SDK1: variants seen among roughly 807,000 people sequenced by gnomAD.
SDK1 encodes the protein sidekick cell adhesion molecule 1.
Under a neutral mutation model 245.5 loss-of-function variants are expected in SDK1, and 157 were observed. That is an observed-to-expected ratio of 0.64 (90% CI 0.56 to 0.73). The LOEUF is 0.73. SDK1 is among the 30% of genes least tolerant of loss of function. The pLI is 0.00. For missense variants in SDK1, 3,583 were observed against 3,002.3 expected (o/e 1.19, Z -4.52); for synonymous variants, 1,647 against 1,278.5 (o/e 1.29, Z -6.15).
intron 4 of SDK1, among the ~76,000 whole-genome samples, chr7:3,726,983 C>T (rs1779029473): frequency 6.6e-6 from 1 of 152,190 alleles, no homozygotes; most frequent in South Asian, 2.1e-4. Flanking sequence ...ACTGTAATTG[C>T]CTGTCTTCCT....
intron 25 of SDK1, among the ~76,000 whole-genome samples, chr7:4,121,358 G>A (rs1784054404): frequency 6.6e-6 from 1 of 152,096 alleles, no homozygotes; most frequent in Admixed American, 6.5e-5. Context: ...CCTGGTGGGA[G>A]GTGATTGGAT....
chr7:3,701,924 C>CAAAAAAAAAAAAAAA (rs58687135), intron 4 of SDK1, among the ~76,000 whole-genome samples: 13 of 85,668 alleles, frequency 1.5e-4, no homozygotes, highest in Non-Finnish European at 2.5e-4. Flanking sequence ...CGTGCATAAG[C>CAAAAAAAAAAAAAAA]AAAAAAAAAA....
chr7:3,766,186 G>T (rs1407433848), intron 4 of SDK1, among the ~76,000 whole-genome samples: 1 of 152,034 alleles, frequency 6.6e-6, no homozygotes, highest in Non-Finnish European at 1.5e-5. Flanking sequence ...ATTTATAGAG[G>T]ACATTATTCT....
intron 22 of SDK1, among the ~76,000 whole-genome samples, chr7:4,085,378 A>G (rs1007646928): frequency 6.6e-6 from 1 of 152,140 alleles, no homozygotes; most frequent in African/African-American, 2.4e-5. Context: ...TCAGTTTATA[A>G]TATATTTAGT....
chr7:3,881,181 C>T (rs1583507070), intron 5 of SDK1, among the ~76,000 whole-genome samples: 1 of 151,874 alleles, frequency 6.6e-6, no homozygotes, highest in Non-Finnish European at 1.5e-5. Flanking sequence ...TGGTGGTTTG[C>T]TACACGAATC....
intron 1 of SDK1, among the ~76,000 whole-genome samples, chr7:3,610,862 T>C (rs745443311): frequency 6.6e-6 from 1 of 152,230 alleles, no homozygotes. Flanking sequence ...TTCTCTGTTT[T>C]CACATGGACT....
In SDK1 at chr7:3,770,288, T is replaced by A. The variant is rs1780372518; in HGVS notation, c.714-51162T>A. On this transcript the variant is annotated intron_variant, in intron 4 of 44. Transcript: ENST00000404826. ...AGTCCATACAAATGGCTATACGTAT[T>A]AATAACTCATTCATTTGTATTGCTA... Among the ~76,000 whole-genome samples, 3 of 152,200 alleles carry A rather than the reference T, an allele frequency of 2.0e-5. No individual in the cohort carries two copies. In the South Asian group the frequency reaches 6.2e-4, roughly 31 times the overall value.
chr7:4,125,521 A>ATGGATGGT (rs1294495490), intron 25 of SDK1, among the ~76,000 whole-genome samples: 1 of 152,050 alleles, frequency 6.6e-6, no homozygotes, highest in Non-Finnish European at 1.5e-5. Context: ...ATGGAGATGG[A>ATGGATGGT]TGGATGGTTG....
intron 1 of SDK1, among the ~76,000 whole-genome samples, chr7:3,311,690 A>T (rs887498213): frequency 2.0e-5 from 3 of 152,180 alleles, no homozygotes; most frequent in African/African-American, 7.2e-5. Context: ...TTCTAGCAAC[A>T]TTGTCACCAA....
chr7:3,386,844 C>G (rs1422424781), intron 1 of SDK1, among the ~76,000 whole-genome samples: 4 of 152,054 alleles, frequency 2.6e-5, no homozygotes, highest in Non-Finnish European at 5.9e-5. Context: ...CGTTTTGGCC[C>G]AAGAGTAGAC....
intron 28 of SDK1, among the ~76,000 whole-genome samples, chr7:4,145,319 T>G (rs1358454467): frequency 6.6e-6 from 1 of 152,122 alleles, no homozygotes; most frequent in African/African-American, 2.4e-5. Context: ...TGCTGTCTTT[T>G]GCAAGAATTA....
chr7:3,313,144 C>G (rs751972439), intron 1 of SDK1, among the ~76,000 whole-genome samples: 2 of 152,186 alleles, frequency 1.3e-5, no homozygotes, highest in African/African-American at 4.8e-5. Flanking sequence ...TGTGGTGGCT[C>G]ATGCCTGTAA....
At chr7:4,210,346 C>A (rs754250238) in intron 38 of SDK1, among the ~76,000 whole-genome samples, 184 bp downstream of exon 38, 4 of 152,096 alleles carry the variant, frequency 2.6e-5, no homozygotes, top group African/African-American at 9.7e-5. Context: ...CGGGGACTCG[C>A]GGGGAAAGGC....
At chr7:4,180,356 C>G (rs1782527412) in intron 35 of SDK1, among the ~76,000 whole-genome samples, 1 of 149,206 alleles carries the variant, frequency 6.7e-6, no homozygotes, top group African/African-American at 2.5e-5. Context: ...CAGCACCCGG[C>G]TCCAGCTCTA....
intron 1 of SDK1, among the ~76,000 whole-genome samples, chr7:3,378,740 T>C (rs1364398630): frequency 6.6e-6 from 1 of 152,130 alleles, no homozygotes; most frequent in East Asian, 1.9e-4. Flanking sequence ...GGAGCTCAGC[T>C]TCAGGTGACT....
chr7:3,602,736 C>T (rs1288477597), intron 1 of SDK1, among the ~76,000 whole-genome samples: 1 of 152,132 alleles, frequency 6.6e-6, no homozygotes, highest in Non-Finnish European at 1.5e-5. Flanking sequence ...GTGTTTTAGA[C>T]ATGAAGTCCT....
At chr7:3,700,480 T>C (rs1279834149) in intron 4 of SDK1, among the ~76,000 whole-genome samples, 1 of 152,198 alleles carries the variant, frequency 6.6e-6, no homozygotes, top group African/African-American at 2.4e-5. Context: ...CTGGTAAACG[T>C]TGATACTAAC....
rs557315767 is a variant in SDK1, at chr7:3,987,076, T to C, written c.1995-110T>C. 1.5e-5 allele frequency: 16 copies of C among 1,064,254 alleles called. No homozygotes were observed. The South Asian group carries it at 2.1e-4, about 14-fold the overall frequency. 65.9% of individuals were successfully genotyped at this position (1,064,254 alleles called of 1,614,324 possible). ...TTGTGTTTGGGCATATTTTATGTTA[T>C]TCATTTCCCAAACATGACACAGCAG... is the stretch of plus-strand genomic sequence containing the variant. On this transcript the variant is annotated intron_variant, in intron 13 of 44. Coordinates refer to ENST00000404826, the MANE Select transcript of SDK1 (RefSeq NM_152744.4).
intron 1 of SDK1, among the ~76,000 whole-genome samples, chr7:3,385,832 T>G (rs1781597238): frequency 6.6e-6 from 1 of 152,188 alleles, no homozygotes; most frequent in Non-Finnish European, 1.5e-5. Flanking sequence ...TAGACCAAAT[T>G]TTTGTTTGCT....
Sources: allele counts gnomAD v4.1 joint callset (sites outside exome capture counted in the v4.1 genomes callset), GRCh38; gene constraint gnomAD v4.1.1; transcripts MANE v1.5; gene names NCBI Gene and HGNC (gene_info 2026-07-23, HGNC 2026-07-21).